ITGA9: variants seen among roughly 807,000 people sequenced by gnomAD.
The protein encoded by ITGA9 is integrin subunit alpha 9.
A neutral mutation model predicts 127.8 loss-of-function variants in ITGA9; 56 were observed. The ratio of observed to expected loss-of-function variants is 0.44; its 90% confidence interval spans 0.35 to 0.55. The LOEUF (loss-of-function observed/expected upper bound fraction) is 0.55, where lower values mean the gene tolerates loss of function less well. ITGA9 is among the 20% of genes least tolerant of loss of function. The pLI, the probability that ITGA9 is intolerant of heterozygous loss-of-function variation, is 0.00. For synonymous variants in ITGA9, 508 were observed against 514.5 expected (o/e 0.99, Z 0.17); for missense variants, 1,196 against 1,347.1 (o/e 0.89, Z 1.76).
chr3:37,795,265 C>T (rs1180071973), intron 26 of ITGA9, among the ~76,000 whole-genome samples: 1 of 152,220 alleles, frequency 6.6e-6, no homozygotes, highest in African/African-American at 2.4e-5. Context: ...AGCCCTCCAT[C>T]CAGCAGAAGC....
At chr3:37,649,460 CA>C (rs1425708960) in intron 16 of ITGA9, among the ~76,000 whole-genome samples, 1 of 152,116 alleles carries the variant, frequency 6.6e-6, no homozygotes, top group Non-Finnish European at 1.5e-5. Context: ...GACTTTAATT[CA>C]AAAACTGTCT....
intron 9 of ITGA9, among the ~76,000 whole-genome samples, chr3:37,515,718 AG>A (rs1441642693): frequency 6.6e-6 from 1 of 152,108 alleles, no homozygotes; most frequent in Non-Finnish European, 1.5e-5. Context: ...CCTGGGTGAC[AG>A]AGTGAGACCT....
At chr3:37,818,581 C>A in intron 27 of ITGA9, 1 of 384,358 alleles carries the variant, frequency 2.6e-6, no homozygotes, top group Non-Finnish European at 4.9e-6. Flanking sequence ...TTTTTTTACT[C>A]CCAAACACCT....
In ITGA9 at chr3:37,814,727, A is replaced by C. The variant is rs1274908905; in HGVS notation, c.3010-4164A>C. Among the ~76,000 whole-genome samples, 1 of 152,088 alleles carries C rather than the reference A, an allele frequency of 6.6e-6. No individual in the cohort carries two copies. Among genetic ancestry groups the C allele is most frequent in the Non-Finnish European group, 1.5e-5 (1 of 68,024 alleles). On this transcript the variant is annotated intron_variant, in intron 27 of 27. Transcript: ENST00000264741. This position sits in a 1 kb window ranked among gnomAD's most constrained non-coding sequence, Gnocchi z 4.3. ...AACTCTGATTTTATGAGAACAAGAC[A>C]CTCTACTGCCATCTGTTGGAAAACA...
At chr3:37,769,670 C>T (rs1425291556) in intron 23 of ITGA9, among the ~76,000 whole-genome samples, 4 of 152,218 alleles carry the variant, frequency 2.6e-5, no homozygotes, top group African/African-American at 9.6e-5. Flanking sequence ...TGCTTTTGCA[C>T]ATGCTGTTCT....
chr3:37,714,535 C>T (rs1701113533), intron 18 of ITGA9, among the ~76,000 whole-genome samples: 1 of 152,152 alleles, frequency 6.6e-6, no homozygotes, highest in South Asian at 2.1e-4. Flanking sequence ...TGATTCTTCC[C>T]CTCTCCTATG....
At chr3:37,741,924 C>T in intron 21 of ITGA9, 105 bp downstream of exon 21, 1 of 844,518 alleles carries the variant, frequency 1.2e-6, no homozygotes, top group Non-Finnish European at 2.0e-6. Flanking sequence ...AAGGGCTGTG[C>T]CACCTCCACT....
chr3:37,567,340 G>T (rs1405943147), intron 15 of ITGA9, among the ~76,000 whole-genome samples: 2 of 152,114 alleles, frequency 1.3e-5, no homozygotes, highest in African/African-American at 4.8e-5. Flanking sequence ...ACCTCCCACT[G>T]GGTCCCTCCC....
intron 18 of ITGA9, among the ~76,000 whole-genome samples, chr3:37,717,801 G>A (rs1405121665): frequency 6.6e-6 from 1 of 152,162 alleles, no homozygotes; most frequent in African/African-American, 2.4e-5. Context: ...AGTAAGCACT[G>A]GTATGGTACA....
intron 18 of ITGA9, among the ~76,000 whole-genome samples, chr3:37,704,484 G>T (rs930738875): frequency 6.6e-6 from 1 of 152,198 alleles, no homozygotes; most frequent in African/African-American, 2.4e-5. Flanking sequence ...AAATAGCATG[G>T]TCTATCCTGT....
At chr3:37,517,691 T>A in intron 10 of ITGA9, 82 bp downstream of exon 10, 1 of 991,476 alleles carries the variant, frequency 1.0e-6, no homozygotes, top group Non-Finnish European at 1.6e-6. Context: ...GCTCGCTGAC[T>A]GTCCATCTCT....
chr3:37,495,239 A>G (rs1481717675), intron 5 of ITGA9, among the ~76,000 whole-genome samples: 1 of 152,204 alleles, frequency 6.6e-6, no homozygotes, highest in Non-Finnish European at 1.5e-5. Flanking sequence ...AGGCTGAGCC[A>G]CCACACCCGG....
intron 18 of ITGA9, among the ~76,000 whole-genome samples, chr3:37,688,149 T>G (rs1206142346): frequency 1.3e-5 from 2 of 152,156 alleles, no homozygotes. Context: ...AGGAAGCAAC[T>G]CAGGCAGAAA....
intron 15 of ITGA9, among the ~76,000 whole-genome samples, chr3:37,608,503 A>G (rs1040852416): frequency 3.9e-5 from 6 of 152,200 alleles, no homozygotes; most frequent in Admixed American, 2.6e-4. Flanking sequence ...ATGCTGGTTC[A>G]TGGACTCCAG....
chr3:37,466,513 A>AAAAAG (rs1559513198), intron 1 of ITGA9, among the ~76,000 whole-genome samples: 5 of 149,684 alleles, frequency 3.3e-5, no homozygotes, highest in Admixed American at 6.7e-5. Context: ...AAAAAAAAAA[A>AAAAAG]GGGCCTTTGA....
intron 1 of ITGA9, among the ~76,000 whole-genome samples, chr3:37,464,866 G>T (rs1367958190): frequency 6.6e-6 from 1 of 152,202 alleles, no homozygotes; most frequent in African/African-American, 2.4e-5. Context: ...GGAAATGAAG[G>T]GTTTGGTGTG....
intron 16 of ITGA9, among the ~76,000 whole-genome samples, chr3:37,636,578 A>G (rs1195011070): frequency 6.6e-6 from 1 of 152,128 alleles, no homozygotes; most frequent in Non-Finnish European, 1.5e-5. Flanking sequence ...CCCATTCTGT[A>G]GGTTGCCTGT....
rs758539896 is a variant in ITGA9, at chr3:37,750,567, G to A, written c.2539G>A (p.Val847Met). ...GAEMFHVQEM[V>M]VGQEKGNCSF... Reference sequence around the variant, plus strand: ...AGAGATGTTTCATGTCCAGGAAATGGTGGTGAGTTCTCCATTTGTTTTCAC... The same window carrying A: ...AGAGATGTTTCATGTCCAGGAAATGATGGTGAGTTCTCCATTTGTTTTCAC... The change falls in exon 23 of 28, where the codon GTG becomes ATG. Residue 847 changes from valine (V) to methionine (M), a missense_variant and splice_region_variant. By Grantham distance (21) the Val-to-Met change is conservative. Coordinates refer to ENST00000264741, the MANE Select transcript of ITGA9 (RefSeq NM_002207.3). 1 of 1,597,568 alleles carries A rather than the reference G, an allele frequency of 6.3e-7. No homozygotes were observed. The highest frequency in any genetic ancestry group is 1.3e-5 in the African/African-American group (1 of 74,572).
chr3:37,632,066 G>A (rs1244409773), intron 16 of ITGA9, among the ~76,000 whole-genome samples: 1 of 152,040 alleles, frequency 6.6e-6, no homozygotes, highest in Non-Finnish European at 1.5e-5. Flanking sequence ...AAATATGAAT[G>A]GACAACCAAG....
Sources: gnomAD v4.1 joint callset for allele counts (sites outside exome capture counted in the v4.1 genomes callset) on GRCh38, gnomAD v4.1.1 for gene constraint, Gnocchi (gnomAD v3.1) non-coding constraint, MANE v1.5 for transcripts, NCBI Gene and HGNC (gene_info 2026-07-23, HGNC 2026-07-21) for gene names.